Variants in NEURL1 observed in about 807,000 individuals in gnomAD.
The protein encoded by NEURL1 is E3 ubiquitin-protein ligase NEURL1.
A neutral mutation model predicts 41.2 loss-of-function variants in NEURL1; 26 were observed. That is an observed-to-expected ratio of 0.63 (90% CI 0.46 to 0.87). The LOEUF is 0.87. Ranked by LOEUF, NEURL1 falls within the 40% of genes least tolerant of loss-of-function variation. The probability of loss-of-function intolerance (pLI) is 0.00; values close to 1 mark genes in which losing one functional copy is unlikely to be tolerated. For missense variants in NEURL1, 761 were observed against 871.1 expected, an observed-to-expected ratio of 0.87 and a Z score of 1.59; for synonymous variants, 400 against 402.3, an observed-to-expected ratio of 0.99 and a Z score of 0.07.
rs755208249 is a variant in NEURL1 at position 103,572,769 on chromosome 10, C to T, written c.649+947C>T. ...AGACTCTGGGTACAAATCAGGCCAT[C>T]GGCAAACTGGCTTTGTCTCCAGGCA... On this transcript the variant is annotated intron_variant, in intron 3 of 5. Transcript: ENST00000369780. Among the ~76,000 whole-genome samples, 3 of 152,164 alleles carry T rather than the reference C, an allele frequency of 2.0e-5. No homozygotes were observed. The East Asian group carries it at 5.8e-4, about 29-fold the overall frequency.
chr10:103,573,749 G>T (rs530679666), intron 3 of NEURL1, among the ~76,000 whole-genome samples: 83 of 152,312 alleles, frequency 5.4e-4, no homozygotes, highest in African/African-American at 2.0e-3. Context: ...TTGTTGAGGG[G>T]TGGGCAGGTG....
rs2034004408 is a variant in NEURL1 at position 103,508,817 on chromosome 10, C to G, written c.85+14345C>G. Among the ~76,000 whole-genome samples the G allele has an allele frequency of 6.6e-6, 1 of 152,208 alleles. No homozygotes were observed. Among genetic ancestry groups the G allele is most frequent in the South Asian group, 2.1e-4 (1 of 4,836 alleles). The stretch of plus-strand genomic sequence containing the variant: ...CTCTGTGTGCATGAGGGAGTCCTGC[C>G]TCCTTCACAGCAAAATGTGAAAGAA... On this transcript the variant is annotated intron_variant, in intron 1 of 5. Transcript: ENST00000369780. This position sits in a 1 kb window ranked among gnomAD's most constrained non-coding sequence, Gnocchi z 4.3.
At chr10:103,494,524 C>T in intron 1 of NEURL1, 52 bp downstream of exon 1, 3 of 1,458,318 alleles carry the variant, frequency 2.1e-6, no homozygotes, top group South Asian at 1.3e-5. Context: ...GGTGGAGGGC[C>T]AGGGAGGTGT....
At chr10:103,540,354 A>G (rs1341825294) in intron 1 of NEURL1, among the ~76,000 whole-genome samples, 1 of 151,948 alleles carries the variant, frequency 6.6e-6, no homozygotes, top group Non-Finnish European at 1.5e-5. Flanking sequence ...CAGTGGCCTG[A>G]TCTCAGCTCA....
intron 1 of NEURL1, among the ~76,000 whole-genome samples, chr10:103,543,766 C>G (rs1023003316): frequency 3.3e-5 from 5 of 152,158 alleles, no homozygotes; most frequent in Admixed American, 2.0e-4. Flanking sequence ...CTCTTCTGAG[C>G]TGGGGGCTGA....
Position 103,584,738 on chromosome 10 carries a change from C to G in NEURL1, c.852C>G (p.Arg284=), listed in dbSNP as rs757352156. 4.1e-6 allele frequency: 6 copies of G among 1,464,128 alleles called. No homozygotes were observed. The highest frequency in any genetic ancestry group is 5.4e-6 in the Non-Finnish European group (6 of 1,113,192). 90.7% of individuals were successfully genotyped at this position (1,464,128 alleles called of 1,614,324 possible). ...ACTCACTCAACTCGCAGCACAGCCG[C>G]GCGCTGCCGGCGCAGCTCGACGGCG... The part of the protein sequence containing the change: ...PQNSLNSQHS[R]ALPAQLDGDL... The change falls in exon 4 of 6, where the codon CGC becomes CGG. Residue 284 remains arginine, a synonymous_variant. Coordinates refer to ENST00000369780, the MANE Select transcript of NEURL1 (RefSeq NM_004210.5).
At chr10:103,587,786 A>G (rs2133886792) in intron 4 of NEURL1, among the ~76,000 whole-genome samples, 1 of 152,362 alleles carries the variant, frequency 6.6e-6, no homozygotes, top group South Asian at 2.1e-4. Flanking sequence ...AGTAAATAGG[A>G]GTTGTGAATT....
In NEURL1 at chr10:103,548,059, G is replaced by A. The variant is rs1592213178; in HGVS notation, c.86-22813G>A. Reference sequence around the variant, plus strand: ...CCCTGCTAATTTATCACTTGTGATTGCTGGGACAAAGGCTAGCTTCCAGTT... The same window carrying A: ...CCCTGCTAATTTATCACTTGTGATTACTGGGACAAAGGCTAGCTTCCAGTT... On this transcript the variant is annotated intron_variant, in intron 1 of 5. Transcript: ENST00000369780. Among the ~76,000 whole-genome samples, 5 of 152,266 alleles carry A rather than the reference G, an allele frequency of 3.3e-5. No individual in the cohort carries two copies. The East Asian group carries it at 9.6e-4, about 29-fold the overall frequency.
At chr10:103,543,150 G>A (rs763595309) in intron 1 of NEURL1, among the ~76,000 whole-genome samples, 5 of 152,156 alleles carry the variant, frequency 3.3e-5, no homozygotes, top group Non-Finnish European at 5.9e-5. Flanking sequence ...AAGGTTTTCC[G>A]CCCCTCCTCC....
intron 1 of NEURL1, among the ~76,000 whole-genome samples, chr10:103,497,585 A>G (rs1441641784): frequency 6.6e-6 from 1 of 152,190 alleles, no homozygotes; most frequent in African/African-American, 2.4e-5. Context: ...GGACCCCACC[A>G]TCGCCTCTCG....
In NEURL1 at chr10:103,558,230, T is replaced by C; in HGVS notation, c.86-12642T>C. The C allele has an allele frequency of 4.1e-6, 4 of 985,256 alleles. No homozygotes were observed. Among genetic ancestry groups the C allele is most frequent in the Non-Finnish European group, 4.8e-6 (4 of 829,936 alleles). 61.0% of individuals were successfully genotyped at this position (985,256 alleles called of 1,614,324 possible). On this transcript the variant is annotated intron_variant, in intron 1 of 5. Transcript: ENST00000369780. This position sits in a 1 kb window ranked among gnomAD's most constrained non-coding sequence, Gnocchi z 4.2. Reference sequence around the variant, plus strand: ...TTTCGGCTTGATTCGGGCCAAACATTTTGGATTGCTGCGTTAAAGTGAGTG... The same window carrying C: ...TTTCGGCTTGATTCGGGCCAAACATCTTGGATTGCTGCGTTAAAGTGAGTG...
chr10:103,504,071 G>A (rs1027339830), intron 1 of NEURL1, among the ~76,000 whole-genome samples: 1 of 151,816 alleles, frequency 6.6e-6, no homozygotes, highest in South Asian at 2.1e-4. Flanking sequence ...TCAGCTCACT[G>A]CAACATCTGC....
chr10:103,589,199 C>G (rs771000840), intron 4 of NEURL1, among the ~76,000 whole-genome samples: 2 of 151,912 alleles, frequency 1.3e-5, no homozygotes, highest in South Asian at 4.2e-4. Context: ...TGGGGAGGGG[C>G]GGAGGTAGGT....
At chr10:103,504,695 A>C (rs2033907658) in intron 1 of NEURL1, among the ~76,000 whole-genome samples, 1 of 152,178 alleles carries the variant, frequency 6.6e-6, no homozygotes. Context: ...TACGCTCCAC[A>C]GGGGTGGGTG....
At chr10:103,548,464 A>G (rs1386237145) in intron 1 of NEURL1, among the ~76,000 whole-genome samples, 1 of 152,156 alleles carries the variant, frequency 6.6e-6, no homozygotes, top group Admixed American at 6.5e-5. Flanking sequence ...CTGGGATTAC[A>G]GGGGTGTGCC....
intron 3 of NEURL1, among the ~76,000 whole-genome samples, chr10:103,573,794 G>T (rs2035598369): frequency 6.6e-6 from 1 of 152,144 alleles, no homozygotes; most frequent in Non-Finnish European, 1.5e-5. Context: ...TTTTCCCTAA[G>T]CAAAAAGTGG....
Position 103,566,435 on chromosome 10 carries a change from A to G in NEURL1, c.86-4437A>G, listed in dbSNP as rs573870093. Among the ~76,000 whole-genome samples the G allele has an allele frequency of 6.2e-4, 95 of 152,136 alleles. No homozygotes were observed. Among genetic ancestry groups the G allele is most frequent in the Non-Finnish European group, 1.1e-3 (78 of 68,032 alleles). ...CTCTCTCTAGTTTTGCCTTTTCCAA[A>G]ATATCATACGGATGGAATCGTACAG... On this transcript the variant is annotated intron_variant, in intron 1 of 5. Coordinates refer to ENST00000369780, the MANE Select transcript of NEURL1 (RefSeq NM_004210.5). The surrounding 1 kb of genome is among the most constrained non-coding windows in gnomAD (Gnocchi z 4.2).
At chr10:103,514,386 C>T (rs1336487446) in intron 1 of NEURL1, among the ~76,000 whole-genome samples, 1 of 152,128 alleles carries the variant, frequency 6.6e-6, no homozygotes, top group African/African-American at 2.4e-5. Context: ...GACCGCGTCC[C>T]CGGGCTGGTT....
In NEURL1 at chr10:103,590,276, C is replaced by T. The variant is rs2273556; in HGVS notation, c.1629C>T (p.Tyr543=). ...IYTCGHMCLC[Y]ACGLRLKKAL... is the part of the protein sequence containing the mutation. The stretch of plus-strand genomic sequence containing the variant: ...CATGTGGCCACATGTGCCTCTGCTA[C>T]GCCTGTGGCCTGCGCCTCAAGAAGG... Residue 543 remains tyrosine, a synonymous_variant, in exon 6 of 6, where the codon TAC becomes TAT. Transcript: ENST00000369780. 2.6e-3 allele frequency: 4,198 copies of T among 1,614,160 alleles called. 132 individuals carry two copies. The East Asian group carries it at 0.07, about 27-fold the overall frequency.
Sources: allele counts gnomAD v4.1 joint callset (sites outside exome capture counted in the v4.1 genomes callset), GRCh38; gene constraint gnomAD v4.1.1; non-coding constraint Gnocchi (gnomAD v3.1); transcripts MANE v1.5; gene names NCBI Gene and HGNC (gene_info 2026-07-23, HGNC 2026-07-21).